The following KCNIP4 variants were observed in gnomAD, a reference collection of about 807,000 sequenced individuals.
The protein encoded by KCNIP4 is potassium voltage-gated channel interacting protein 4, also known as Kv channel-interacting protein 4.
In KCNIP4, 12 loss-of-function variants were observed where a neutral mutation model predicts 34.0. The ratio of observed to expected loss-of-function variants is 0.35; its 90% CI spans 0.23 to 0.57. The LOEUF (loss-of-function observed/expected upper bound fraction) is 0.57, where lower values mean the gene tolerates loss of function less well. Ranked by LOEUF, KCNIP4 falls within the 20% of genes least tolerant of loss-of-function variation. KCNIP4 has a pLI of 0.83. For synonymous variants in KCNIP4, 124 were observed against 102.2 expected, an observed-to-expected ratio of 1.21 and a Z score of -1.29; for missense variants, 238 against 311.7, an observed-to-expected ratio of 0.76 and a Z score of 1.78.
At chr4:21,916,963 A>G (rs1728664230) in intron 1 of KCNIP4, among the ~76,000 whole-genome samples, 3 of 152,200 alleles carry the variant, frequency 2.0e-5, no homozygotes, top group Non-Finnish European at 4.4e-5. Context: ...CTCTTCTAGC[A>G]CCTGAGGCCT....
intron 1 of KCNIP4, among the ~76,000 whole-genome samples, chr4:21,489,519 T>C (rs1023454540): frequency 1.3e-5 from 2 of 152,156 alleles, no homozygotes; most frequent in African/African-American, 4.8e-5. Context: ...CTTATTATTC[T>C]GTAGTCCCAT....
chr4:21,818,298 C>A (rs1202838528), intron 1 of KCNIP4, among the ~76,000 whole-genome samples: 5 of 152,330 alleles, frequency 3.3e-5, no homozygotes, highest in African/African-American at 1.2e-4. Context: ...AAAGCATCAA[C>A]CCCTGTTCTG....
chr4:20,888,795 C>T (rs561421498), intron 1 of KCNIP4, among the ~76,000 whole-genome samples: 116 of 152,060 alleles, frequency 7.6e-4, no homozygotes, highest in Non-Finnish European at 1.3e-3. Context: ...AAATTAAGGG[C>T]CTGGCCAGCT....
intron 1 of KCNIP4, among the ~76,000 whole-genome samples, chr4:21,455,810 TATATATATA>T (rs1560422761): frequency 0.044 from 2,965 of 67,972 alleles, 293 homozygotes; most frequent in African/African-American, 0.056. Flanking sequence ...CAGATATTCA[TATATATATA>T]TATATATATA....
At chr4:21,234,153 ATATAACG>A (rs1759077175) in intron 1 of KCNIP4, among the ~76,000 whole-genome samples, 6 of 92,532 alleles carry the variant, frequency 6.5e-5, no homozygotes, top group Admixed American at 3.7e-4. Flanking sequence ...TATATAACAT[ATATAACG>A]TATATTATAT....
chr4:20,816,293 T>C (rs1278321000), intron 3 of KCNIP4, among the ~76,000 whole-genome samples: 1 of 151,542 alleles, frequency 6.6e-6, no homozygotes, highest in Non-Finnish European at 1.5e-5. Flanking sequence ...AGGCAGAGCC[T>C]TTCTCAACAT....
chr4:20,992,323 C>A (rs1305468766), intron 1 of KCNIP4, among the ~76,000 whole-genome samples: 1 of 152,166 alleles, frequency 6.6e-6, no homozygotes, highest in East Asian at 1.9e-4. Context: ...CTTGTAAAAC[C>A]ATCACATTTC....
intron 2 of KCNIP4, among the ~76,000 whole-genome samples, chr4:20,853,222 A>G (rs138290467): frequency 1.1e-3 from 163 of 152,346 alleles, no homozygotes; most frequent in African/African-American, 3.7e-3. Flanking sequence ...GAGGCATCAT[A>G]CTACCTGATT....
At chr4:21,687,779 T>C (rs1750927822) in intron 1 of KCNIP4, among the ~76,000 whole-genome samples, 1 of 152,126 alleles carries the variant, frequency 6.6e-6, no homozygotes, top group African/African-American at 2.4e-5. Context: ...TGAAAATATG[T>C]ATGGGAGGGG....
chr4:21,538,672 G>A (rs1737426179), intron 1 of KCNIP4, among the ~76,000 whole-genome samples: 1 of 152,114 alleles, frequency 6.6e-6, no homozygotes, highest in Admixed American at 6.6e-5. Flanking sequence ...GCACGAAGTA[G>A]AAACACACCC....
At chr4:21,326,627 C>A (rs926738177) in intron 1 of KCNIP4, among the ~76,000 whole-genome samples, 6 of 151,272 alleles carry the variant, frequency 4.0e-5, no homozygotes, top group African/African-American at 7.3e-5. Context: ...TAATTTAATC[C>A]ATTTACATTC....
In KCNIP4 at chr4:21,099,383, G is replaced by A. The variant is rs577089689; in HGVS notation, c.62-216674C>T. On this transcript the variant is annotated intron_variant, in intron 1 of 8. Transcript: ENST00000382152. ...AGGAACAGAAAACCAAACACCGCATGTTCTCACTTTTATGTGGGAGCTGAA... is the reference window on the plus strand; with the variant it reads ...AGGAACAGAAAACCAAACACCGCATATTCTCACTTTTATGTGGGAGCTGAA... Among the ~76,000 whole-genome samples the A allele has an allele frequency of 2.6e-5, 4 of 152,266 alleles. No individual in the cohort carries two copies. The South Asian group carries it at 8.3e-4, about 32-fold the overall frequency.
rs1560690381 is a variant in KCNIP4 at position 21,065,760 on chromosome 4, AT to A, written c.62-183052del. 4.2e-3 allele frequency among the ~76,000 whole-genome samples: 536 copies of A among 127,564 alleles called. 7 individuals are homozygous for A. The highest frequency in any genetic ancestry group is 3.9e-3 in the African/African-American group (143 of 36,306). The allele number at this position is 127,564 out of a possible 152,430, so 83.7% of individuals were successfully genotyped here. On this transcript the variant is annotated intron_variant, in intron 1 of 8. Coordinates refer to ENST00000382152, the MANE Select transcript of KCNIP4 (RefSeq NM_025221.6). ...TATATATATATATATATATATATATATATATAACTCAATTTTATTTTAAAAA... is the reference window on the plus strand; with the variant it reads ...TATATATATATATATATATATATATAATATAACTCAATTTTATTTTAAAAA...
intron 1 of KCNIP4, among the ~76,000 whole-genome samples, chr4:21,231,794 C>A (rs551622706): frequency 6.6e-6 from 1 of 152,032 alleles, no homozygotes; most frequent in African/African-American, 2.4e-5. Context: ...AGAGAGAGGG[C>A]GGCAAGGAAC....
chr4:20,950,554 T>C (rs866492104), intron 1 of KCNIP4, among the ~76,000 whole-genome samples: 1 of 152,042 alleles, frequency 6.6e-6, no homozygotes, highest in Non-Finnish European at 1.5e-5. Context: ...TCTAACCAGA[T>C]TTCTGGTGGC....
chr4:21,048,594 G>T (rs1577595753), intron 1 of KCNIP4, among the ~76,000 whole-genome samples: 1 of 152,138 alleles, frequency 6.6e-6, no homozygotes, highest in African/African-American at 2.4e-5. Context: ...ATGCCAATAA[G>T]ATCAAGTAGA....
chr4:21,220,017 T>A (rs368425214), intron 1 of KCNIP4, among the ~76,000 whole-genome samples: 1 of 152,296 alleles, frequency 6.6e-6, no homozygotes, highest in South Asian at 2.1e-4. Flanking sequence ...CAAAAGGAGA[T>A]GTTATGAAAA....
At chr4:21,305,538 T>C (rs1022716566) in intron 1 of KCNIP4, among the ~76,000 whole-genome samples, 3 of 152,210 alleles carry the variant, frequency 2.0e-5, no homozygotes, top group African/African-American at 7.2e-5. Context: ...CTGGAGGAAG[T>C]GCAGTCCTCC....
At chr4:21,633,786 A>T (rs573768171) in intron 1 of KCNIP4, among the ~76,000 whole-genome samples, 2 of 152,252 alleles carry the variant, frequency 1.3e-5, no homozygotes, top group Non-Finnish European at 2.9e-5. Flanking sequence ...ATATTTATTC[A>T]TTTTAAGATA....
Sources: gnomAD v4.1 joint callset for allele counts (sites outside exome capture counted in the v4.1 genomes callset) on GRCh38, gnomAD v4.1.1 for gene constraint, MANE v1.5 for transcripts, NCBI Gene and HGNC (gene_info 2026-07-23, HGNC 2026-07-21) for gene names.